ATXN2: variants seen among roughly 807,000 people sequenced by gnomAD.
The protein encoded by ATXN2 is ataxin-2.
Under a neutral mutation model 138.6 loss-of-function variants are expected in ATXN2, and 37 were observed. That is an observed-to-expected ratio of 0.27 (90% CI 0.21 to 0.35). The LOEUF is 0.35. ATXN2 is among the 10% of genes least tolerant of loss of function. The probability of loss-of-function intolerance (pLI) is 1.00; values close to 1 mark genes in which losing one functional copy is unlikely to be tolerated. For missense variants in ATXN2, 1,216 were observed against 1,480.3 expected, an observed-to-expected ratio of 0.82 and a Z score of 2.93; for synonymous variants, 549 against 543.7, an observed-to-expected ratio of 1.01 and a Z score of -0.13.
At chr12:111,543,858 T>C (rs935824243) in intron 5 of ATXN2, among the ~76,000 whole-genome samples, 3 of 152,240 alleles carry the variant, frequency 2.0e-5, no homozygotes, top group Admixed American at 6.5e-5. Context: ...AGAGGATTGC[T>C]TGAACCCAGG....
chr12:111,521,717 A>C (rs1412830525), intron 6 of ATXN2, among the ~76,000 whole-genome samples: 2 of 152,192 alleles, frequency 1.3e-5, no homozygotes, highest in African/African-American at 2.4e-5. Context: ...TTCTACGAGG[A>C]AACTATAGGA....
chr12:111,459,200 G>C (rs1162003996), intron 21 of ATXN2, among the ~76,000 whole-genome samples: 2 of 152,208 alleles, frequency 1.3e-5, no homozygotes, highest in Non-Finnish European at 2.9e-5. Context: ...CTGGGAGCTA[G>C]AACAAATGAT....
rs376502247 is a variant in ATXN2, at chr12:111,589,996, G to A, written c.251+8788C>T. Among the ~76,000 whole-genome samples, 11 of 151,920 alleles carry A rather than the reference G, an allele frequency of 7.2e-5. No homozygotes were observed. The East Asian group carries it at 7.8e-4, about 11-fold the overall frequency. On this transcript the variant is annotated intron_variant, in intron 1 of 24. Coordinates refer to ENST00000673436, the MANE Select transcript of ATXN2 (RefSeq NM_001372574.1). Reference sequence around the variant, plus strand: ...AGGCCAAGACAGGCAGATCACCTAAGGTCAGGAGTTCAAGACGAGCCTGGC... The same window carrying A: ...AGGCCAAGACAGGCAGATCACCTAAAGTCAGGAGTTCAAGACGAGCCTGGC...
intron 1 of ATXN2, among the ~76,000 whole-genome samples, chr12:111,557,655 C>G (rs1253104706): frequency 4.6e-5 from 7 of 152,162 alleles, no homozygotes; most frequent in African/African-American, 9.7e-5. Context: ...GGTATTTAAA[C>G]CAGGTGTATC....
At chr12:111,502,468 T>C (rs763993981) in intron 14 of ATXN2, among the ~76,000 whole-genome samples, 6 of 152,164 alleles carry the variant, frequency 3.9e-5, no homozygotes, top group Non-Finnish European at 5.9e-5. Flanking sequence ...TCGCTCTTAT[T>C]GCCCAGGCTG....
chr12:111,586,376 GC>G (rs1884334568), intron 1 of ATXN2, among the ~76,000 whole-genome samples: 1 of 137,518 alleles, frequency 7.3e-6, no homozygotes, highest in Admixed American at 7.4e-5. Context: ...CGCCCGCCCA[GC>G]CCCAAGTCTG....
At chr12:111,565,609 G>T (rs1431508299) in intron 1 of ATXN2, among the ~76,000 whole-genome samples, 1 of 152,094 alleles carries the variant, frequency 6.6e-6, no homozygotes, top group African/African-American at 2.4e-5. Flanking sequence ...CTTAATAAAT[G>T]TTGTGTGTTA....
At chr12:111,573,662 C>T (rs532990515) in intron 1 of ATXN2, among the ~76,000 whole-genome samples, 1 of 152,312 alleles carries the variant, frequency 6.6e-6, no homozygotes, top group South Asian at 2.1e-4. Context: ...CAATCCATCA[C>T]TTCCTCATCT....
rs1425849175 is a variant in ATXN2 at position 111,453,629 on chromosome 12, C to T, written c.3439+48G>A. ...CTGCCTGCCATTCCACCTGTGCGAG[C>T]AGAATGCTTTGGGGTGCCCCGGCGG... On this transcript the variant is annotated intron_variant, in intron 24 of 24. Transcript: ENST00000673436. The surrounding 1 kb of genome is among the most constrained non-coding windows in gnomAD (Gnocchi z 5.4). 6.7e-6 allele frequency: 10 copies of T among 1,488,958 alleles called. No individual in the cohort carries two copies. The highest frequency in any genetic ancestry group is 9.0e-6 in the Non-Finnish European group (10 of 1,116,000). The allele number at this position is 1,488,958 out of a possible 1,614,324, so 92.2% of individuals were successfully genotyped here.
chr12:111,454,622 G>C (rs1213921927), intron 23 of ATXN2: 3 of 163,198 alleles, frequency 1.8e-5, no homozygotes, highest in Admixed American at 6.0e-5. Context: ...TCTGCAGGGG[G>C]TTGGCAGGGC....
At chr12:111,479,161 A>T (rs1877032378) in intron 18 of ATXN2, 3 of 389,022 alleles carry the variant, frequency 7.7e-6, no homozygotes, top group South Asian at 1.3e-4. Context: ...CTTCATTCAT[A>T]ATAGCCAAAA....
intron 21 of ATXN2, among the ~76,000 whole-genome samples, chr12:111,463,624 G>A (rs1011058444): frequency 9.9e-5 from 15 of 152,118 alleles, no homozygotes; most frequent in Admixed American, 3.3e-4. Flanking sequence ...TACCTTAAAA[G>A]TTCATTTCCA....
At chr12:111,581,009 G>A (rs1883967145) in intron 1 of ATXN2, among the ~76,000 whole-genome samples, 1 of 151,734 alleles carries the variant, frequency 6.6e-6, no homozygotes, top group Admixed American at 6.6e-5. Context: ...GTGGTGGCAG[G>A]TGCCTGTAGT....
intron 14 of ATXN2, among the ~76,000 whole-genome samples, chr12:111,495,024 G>T (rs1241404169): frequency 6.6e-6 from 1 of 151,976 alleles, no homozygotes; most frequent in Non-Finnish European, 1.5e-5. Context: ...TTAAAAAAAA[G>T]GCTGGGTGCG....
chr12:111,509,685 T>C (rs1879387853), intron 13 of ATXN2, 66 bp from the exon 14 acceptor site: 1 of 988,714 alleles, frequency 1.0e-6, no homozygotes. Flanking sequence ...TTCTTTTTAG[T>C]ATGAGATGAT....
At chr12:111,486,193 A>T (rs1246374753) in intron 16 of ATXN2, among the ~76,000 whole-genome samples, 2 of 152,200 alleles carry the variant, frequency 1.3e-5, no homozygotes, top group Non-Finnish European at 2.9e-5. Context: ...ATCTCTTAGT[A>T]TCTGTGGGGG....
Position 111,456,185 on chromosome 12 carries a change from C to T in ATXN2, c.3114G>A (p.Ala1038=), listed in dbSNP as rs778832050. 21 of 1,614,216 alleles carry T rather than the reference C, an allele frequency of 1.3e-5. No homozygotes were observed. The highest frequency in any genetic ancestry group is 3.3e-5 in the Admixed American group (2 of 60,022). Residue 1038 remains alanine, a synonymous_variant, in exon 23 of 25, where the codon GCG becomes GCA. Transcript: ENST00000673436. ...TGGAGGGTGGAGTTGGCGCAAGCCC[C>T]GCGTGGTAAATGGCTGACTGCTGCT... ...SPQQQSAIYH[A]GLAPTPPSMT...
chr12:111,507,062 T>C (rs1318566037), intron 14 of ATXN2, among the ~76,000 whole-genome samples: 3 of 144,190 alleles, frequency 2.1e-5, no homozygotes, highest in Admixed American at 6.9e-5. Flanking sequence ...AGTGCCGAGA[T>C]TGCAGCCTCT....
chr12:111,452,228 T>G lies in ATXN2; in HGVS notation c.*584A>C, dbSNP rs1346696941. ...CACTAACTTGATCAGTTTTTAAAAC[T>G]TTTTTTATTTTTTAAATTTTTTTTA... On this transcript the variant is annotated 3_prime_UTR_variant, in exon 25 of 25. Coordinates refer to ENST00000673436, the MANE Select transcript of ATXN2 (RefSeq NM_001372574.1). 6.6e-6 allele frequency: 1 copy of G among 152,380 alleles called. No homozygotes were observed. The highest frequency in any genetic ancestry group is 1.5e-5 in the Non-Finnish European group (1 of 68,028). 9.4% of individuals were successfully genotyped at this position (152,380 alleles called of 1,614,324 possible).
Sources: allele counts gnomAD v4.1 joint callset (sites outside exome capture counted in the v4.1 genomes callset), GRCh38; gene constraint gnomAD v4.1.1; non-coding constraint Gnocchi (gnomAD v3.1); transcripts MANE v1.5; gene names NCBI Gene and HGNC (gene_info 2026-07-23, HGNC 2026-07-21).